ADAMTS16: variants seen among roughly 807,000 people sequenced by gnomAD.
The protein encoded by ADAMTS16 is ADAM metallopeptidase with thrombospondin type 1 motif 16, also known as A disintegrin and metalloproteinase with thrombospondin motifs 16.
ADAMTS16 carries 94 observed loss-of-function variants against 145.8 expected under a neutral mutation model. The observed-to-expected ratio is 0.64, with a 90% CI of 0.55 to 0.77. ADAMTS16 has a LOEUF of 0.77. ADAMTS16 is among the 30% of genes least tolerant of loss of function. ADAMTS16 has a pLI of 0.00. For missense variants in ADAMTS16, 1,585 were observed against 1,591.5 expected (o/e 1.00, Z 0.07); for synonymous variants, 659 against 604.3 (o/e 1.09, Z -1.33).
chr5:5,236,301 C>CCT (rs1553993360), intron 13 of ADAMTS16, among the ~76,000 whole-genome samples: 2 of 148,786 alleles, frequency 1.3e-5, no homozygotes, highest in Non-Finnish European at 3.0e-5. Context: ...TGTCCCTCCC[C>CCT]TTTTTTTTTT....
intron 3 of ADAMTS16, among the ~76,000 whole-genome samples, chr5:5,179,409 T>A (rs1735279732): frequency 6.6e-6 from 1 of 152,252 alleles, no homozygotes. Flanking sequence ...AAGCCATGCA[T>A]GAATTTTTCT....
At chr5:5,257,604 A>C (rs79620275) in intron 17 of ADAMTS16, among the ~76,000 whole-genome samples, 5,737 of 152,328 alleles carry the variant, frequency 0.038, 116 homozygotes, top group Middle Eastern at 0.054. Context: ...TTTCAGGGCA[A>C]ATGTGCATAA....
At chr5:5,207,256 G>A (rs1376878505) in intron 9 of ADAMTS16, among the ~76,000 whole-genome samples, 1 of 152,050 alleles carries the variant, frequency 6.6e-6, no homozygotes, top group Non-Finnish European at 1.5e-5. Context: ...TGTAGGCTTT[G>A]CACATATTTT....
intron 18 of ADAMTS16, among the ~76,000 whole-genome samples, chr5:5,280,147 ACTGAATCCTGAATC>A (rs544028894): frequency 1.3e-5 from 2 of 152,012 alleles, no homozygotes; most frequent in African/African-American, 4.8e-5. Context: ...ATAATCCTGA[ACTGAATCCTGAATC>A]CTGAATCCTG....
rs758766901 is a variant in ADAMTS16 at position 5,209,291 on chromosome 5, A to T, written c.1605+45A>T. On this transcript the variant is annotated intron_variant, in intron 10 of 22. Transcript: ENST00000274181. ...TGCTCAATGCAACATGATTCATAAG[A>T]CTGTTTTATTTAGTGTAACTGATGT... The T allele has an allele frequency of 6.2e-6, 10 of 1,601,068 alleles. No homozygotes were observed. The East Asian group carries it at 2.2e-4, about 36-fold the overall frequency.
At chr5:5,236,243 C>T (rs2913633) in intron 13 of ADAMTS16, among the ~76,000 whole-genome samples, 75,551 of 151,742 alleles carry the variant, frequency 0.5, 19,164 homozygotes, top group Middle Eastern at 0.57. Context: ...GTAGATGAGT[C>T]TCAGGCCTAT....
At chr5:5,196,541 C>A (rs918462211) in intron 8 of ADAMTS16, among the ~76,000 whole-genome samples, 6 of 152,198 alleles carry the variant, frequency 3.9e-5, no homozygotes, top group African/African-American at 1.4e-4. Flanking sequence ...TAGGTCAGAG[C>A]ATCAGTTCTT....
At chr5:5,223,774 T>C (rs1355473070) in intron 11 of ADAMTS16, 1 of 152,140 alleles carries the variant, frequency 6.6e-6, no homozygotes, top group Non-Finnish European at 1.5e-5. Flanking sequence ...TAACTTATAA[T>C]TACATTTTTT....
At chr5:5,157,524 A>G (rs1293608845) in intron 3 of ADAMTS16, among the ~76,000 whole-genome samples, 1 of 152,180 alleles carries the variant, frequency 6.6e-6, no homozygotes, top group Non-Finnish European at 1.5e-5. Context: ...TAGTAGTGAC[A>G]TGATGCATCT....
At chr5:5,190,645 C>T (rs1404874677) in intron 7 of ADAMTS16, among the ~76,000 whole-genome samples, 9 of 152,112 alleles carry the variant, frequency 5.9e-5, no homozygotes, top group African/African-American at 2.2e-4. Flanking sequence ...TGCTACTGAC[C>T]AGGATTCCGC....
At chr5:5,226,967 C>T (rs902963617) in intron 11 of ADAMTS16, among the ~76,000 whole-genome samples, 1 of 152,160 alleles carries the variant, frequency 6.6e-6, no homozygotes, top group Non-Finnish European at 1.5e-5. Flanking sequence ...TCTAGCTCTT[C>T]GGTCACTGGG....
rs1356554597 is a variant in ADAMTS16, at chr5:5,232,492, G to T, written c.1826G>T (p.Arg609Met). The T allele has an allele frequency of 1.2e-6, 2 of 1,613,758 alleles. No individual in the cohort carries two copies. The highest frequency in any genetic ancestry group is 3.3e-5 in the Admixed American group (2 of 59,982). Residue 609 changes from arginine to methionine, a missense_variant, in exon 12 of 23, where the codon AGG (arginine) becomes ATG (methionine). By Grantham distance (91) the Arg-to-Met change is moderately conservative. Around this residue, in one of 3 missense-constraint regions of ADAMTS16, gnomAD observed 834 missense variants for 811.7 expected, o/e 1.03. Transcript: ENST00000274181. Reference sequence around the variant, plus strand: ...ACCTGCGGAGGGGGAGTATCTCATAGGAGTCGCCTCTGCACCAACCCCAAG... The same window carrying T: ...ACCTGCGGAGGGGGAGTATCTCATATGAGTCGCCTCTGCACCAACCCCAAG... ...SRTCGGGVSH[R>M]SRLCTNPKPS...
intron 17 of ADAMTS16, among the ~76,000 whole-genome samples, chr5:5,248,461 A>G (rs1737524661): frequency 6.6e-6 from 1 of 152,234 alleles, no homozygotes; most frequent in Admixed American, 6.5e-5. Context: ...TTCTTACATT[A>G]CCTTTTGAAG....
intron 16 of ADAMTS16, among the ~76,000 whole-genome samples, chr5:5,240,890 G>T (rs541905267): frequency 2.0e-5 from 3 of 151,868 alleles, no homozygotes; most frequent in South Asian, 4.2e-4. Flanking sequence ...CCTTGATCAC[G>T]TCTCCCACCA....
Position 5,242,125 on chromosome 5 carries a change from C to G in ADAMTS16, c.2596C>G (p.Pro866Ala), listed in dbSNP as rs373679236. 1.3e-5 allele frequency: 21 copies of G among 1,614,026 alleles called. No individual in the cohort carries two copies. The highest frequency in any genetic ancestry group is 5.0e-5 in the Admixed American group (3 of 60,002). The change falls in exon 17 of 23, where the codon CCC becomes GCC. Residue 866 changes from proline (P) to alanine (A), a missense_variant. Coordinates refer to ENST00000274181, the MANE Select transcript of ADAMTS16 (RefSeq NM_139056.4). ...GCCTCGCTTGGGGACCGAGAAGCAGCCCCCTGCCCAGCCCAGCTACACTTG... is the reference window on the plus strand; with the variant it reads ...GCCTCGCTTGGGGACCGAGAAGCAGGCCCCTGCCCAGCCCAGCTACACTTG... ...SMPRLGTEKQ[P>A]PAQPSYTWAI...
intron 12 of ADAMTS16, 94 bp from the exon 13 acceptor site, chr5:5,234,920 A>G (rs1210912981): frequency 9.4e-6 from 10 of 1,059,738 alleles, no homozygotes; most frequent in Non-Finnish European, 1.3e-5. Context: ...ACCCATTCTA[A>G]CACTCTTAGC....
At chr5:5,299,861 G>T (rs907381905) in intron 18 of ADAMTS16, among the ~76,000 whole-genome samples, 8 of 152,218 alleles carry the variant, frequency 5.3e-5, no homozygotes, top group Non-Finnish European at 1.0e-4. Flanking sequence ...CCACTGGTGG[G>T]CAACTGAACA....
At chr5:5,215,712 A>ATG (rs1736405236) in intron 10 of ADAMTS16, among the ~76,000 whole-genome samples, 2 of 109,626 alleles carry the variant, frequency 1.8e-5, no homozygotes, top group South Asian at 5.2e-4. Flanking sequence ...ATATATATAT[A>ATG]TGTGGTATAT....
intron 18 of ADAMTS16, among the ~76,000 whole-genome samples, chr5:5,299,451 C>A (rs897840412): frequency 1.1e-4 from 17 of 152,232 alleles, no homozygotes; most frequent in African/African-American, 4.1e-4. Flanking sequence ...CTTTACTAAA[C>A]CCTTTTTGGA....
Sources: gnomAD v4.1 joint callset for allele counts (sites outside exome capture counted in the v4.1 genomes callset) on GRCh38, gnomAD v4.1.1 for gene constraint, gnomAD v4.1.1 regional missense constraint, MANE v1.5 for transcripts, NCBI Gene and HGNC (gene_info 2026-07-23, HGNC 2026-07-21) for gene names.